The following CCDC40 variants were observed in gnomAD, a reference collection of about 807,000 sequenced individuals.
The protein encoded by CCDC40 is coiled-coil domain 40 molecular ruler complex subunit.
In CCDC40, 104 loss-of-function variants were observed where a neutral mutation model predicts 124.5. The ratio of observed to expected loss-of-function variants is 0.84; its 90% CI spans 0.71 to 0.98. The LOEUF (loss-of-function observed/expected upper bound fraction) is 0.98. Among genes scored for constraint, CCDC40 ranks in the 50% least tolerant of loss-of-function variants. The pLI is 0.00. For synonymous variants in CCDC40, 580 were observed against 602.9 expected (o/e 0.96, Z 0.56); for missense variants, 1,463 against 1,503.9 (o/e 0.97, Z 0.45).
intron 16 of CCDC40, among the ~76,000 whole-genome samples, chr17:80,088,748 A>G (rs574932217): frequency 2.0e-5 from 3 of 152,288 alleles, no homozygotes; most frequent in African/African-American, 7.2e-5. Context: ...TCAAGGCTGC[A>G]GTGAGCTAGG....
chr17:80,079,333 G>A (rs1258409283), intron 10 of CCDC40, among the ~76,000 whole-genome samples: 1 of 151,802 alleles, frequency 6.6e-6, no homozygotes, highest in Admixed American at 6.6e-5. Flanking sequence ...GATAGATTTC[G>A]TTCATACATA....
At position 80,099,522 on chromosome 17, in the gene CCDC40, C is replaced by T. The variant is rs1354174624; in HGVS notation, c.3181-5C>T. 6.2e-7 allele frequency: 1 copy of T among 1,606,512 alleles called. No homozygotes were observed. Among genetic ancestry groups the T allele is most frequent in the Admixed American group, 1.7e-5 (1 of 60,018 alleles). Reference sequence around the variant, plus strand: ...GCCCTATATGGAGTCTCTTTTCCTACCCAGAACCTTTCAGAGATCGTGGCC... The same window carrying T: ...GCCCTATATGGAGTCTCTTTTCCTATCCAGAACCTTTCAGAGATCGTGGCC... On this transcript the variant is annotated splice_polypyrimidine_tract_variant and splice_region_variant and intron_variant, in intron 19 of 19. Coordinates refer to ENST00000397545, the MANE Select transcript of CCDC40 (RefSeq NM_017950.4).
rs60850594 is a variant in CCDC40 at position 80,081,387 on chromosome 17, AAAATAAAT to A, written c.1563-140_1563-133del. 7 of 350,896 alleles carry A rather than the reference AAAATAAAT, an allele frequency of 2.0e-5. 1 individual carries two copies. Among genetic ancestry groups the A allele is most frequent in the Admixed American group, 8.6e-5 (2 of 23,370 alleles). 21.7% of individuals were successfully genotyped at this position (350,896 alleles called of 1,614,324 possible). A position where few individuals can be genotyped will look rare whatever the true frequency, so the allele number is the denominator to read the frequency against. On this transcript the variant is annotated intron_variant, in intron 10 of 19. Transcript: ENST00000397545. Reference sequence around the variant, plus strand: ...GTTACAGAGTGAGACTCTGTCTCAAAAAATAAATAAATAAATAAATAAATAAGAGTTGG... The same window carrying A: ...GTTACAGAGTGAGACTCTGTCTCAAAAAATAAATAAATAAATAAGAGTTGG...
chr17:80,061,473 G>A (rs1223136693), intron 9 of CCDC40, among the ~76,000 whole-genome samples: 1 of 152,266 alleles, frequency 6.6e-6, no homozygotes, highest in Non-Finnish European at 1.5e-5. Flanking sequence ...GCAGCCATTA[G>A]TAAATCCGGG....
chr17:80,097,489 C>T (rs757509427), intron 19 of CCDC40, 86 bp downstream of exon 19: 102 of 1,433,508 alleles, frequency 7.1e-5, no homozygotes, highest in Non-Finnish European at 9.1e-5. Context: ...CTGTGCGAGT[C>T]ACGGCCTCTC....
chr17:80,041,228 T>C (rs1046541233), intron 3 of CCDC40, among the ~76,000 whole-genome samples: 2 of 151,872 alleles, frequency 1.3e-5, no homozygotes, highest in African/African-American at 4.8e-5. Flanking sequence ...AGAAATTGGG[T>C]CGGGCATGGT....
At chr17:80,090,068 C>T in intron 17 of CCDC40, 184 bp downstream of exon 17, 1 of 1,536,768 alleles carries the variant, frequency 6.5e-7, no homozygotes, top group Non-Finnish European at 8.7e-7. Context: ...ACCTGCACTC[C>T]AGCCGAGCAC....
chr17:80,046,532 C>CAATAATAATAATAATAATAAT lies in CCDC40; in HGVS notation c.553-741_553-721dup, dbSNP rs60431250. Among the ~76,000 whole-genome samples the CAATAATAATAATAATAATAAT allele has an allele frequency of 5.2e-3, 759 of 147,368 alleles. 6 individuals carry two copies. The highest frequency in any genetic ancestry group is 0.016 in the African/African-American group (634 of 39,452). ...TAGGTGGCAGAGTGAGACCCTTACTCAATAATAATAATAATAATAATAATA... is the reference window on the plus strand; with the variant it reads ...TAGGTGGCAGAGTGAGACCCTTACTCAATAATAATAATAATAATAATAATAATAATAATAATAATAATAATA... On this transcript the variant is annotated intron_variant, in intron 3 of 19. Coordinates refer to ENST00000397545, the MANE Select transcript of CCDC40 (RefSeq NM_017950.4).
At chr17:80,095,596 G>A (rs2038797121) in intron 18 of CCDC40, 145 bp downstream of exon 18, 1 of 756,026 alleles carries the variant, frequency 1.3e-6, no homozygotes, top group South Asian at 1.7e-5. Context: ...CTGCTGCTGG[G>A]TGCTGGGTCT....
At position 80,086,753 on chromosome 17, in the gene CCDC40, C is replaced by G. The variant is rs1386699424; in HGVS notation, c.2449+537C>G. ...CCTGCCGAGACATCCCGGGTCCTGC[C>G]CGGTCTTGGGTCGGGGATCCATGCT... On this transcript the variant is annotated intron_variant, in intron 14 of 19. Transcript: ENST00000397545. The surrounding 1 kb of genome is among the most constrained non-coding windows in gnomAD (Gnocchi z 5.5). 2 of 180,614 alleles carry G rather than the reference C, an allele frequency of 1.1e-5. No homozygotes were observed. Among genetic ancestry groups the G allele is most frequent in the African/African-American group, 4.8e-5 (2 of 41,798 alleles). 11.2% of individuals were successfully genotyped at this position (180,614 alleles called of 1,614,324 possible).
chr17:80,073,355 C>T (rs1396141335), intron 10 of CCDC40, among the ~76,000 whole-genome samples: 3 of 152,308 alleles, frequency 2.0e-5, no homozygotes, highest in South Asian at 4.1e-4. Context: ...ATCTCTCCAG[C>T]GGTGCGTGCT....
intron 10 of CCDC40, among the ~76,000 whole-genome samples, chr17:80,075,948 C>T (rs1030007884): frequency 6.6e-6 from 1 of 152,150 alleles, no homozygotes; most frequent in African/African-American, 2.4e-5. Flanking sequence ...AGAAGTGGAG[C>T]TGAGATGGGA....
At chr17:80,055,867 C>T (rs2037721297) in intron 7 of CCDC40, among the ~76,000 whole-genome samples, 1 of 149,856 alleles carries the variant, frequency 6.7e-6, no homozygotes, top group African/African-American at 2.5e-5. Flanking sequence ...CTCTGTTTCC[C>T]AGGCTGGAAT....
Position 80,058,468 on chromosome 17 carries a change from T to A in CCDC40, c.1160-26T>A, listed in dbSNP as rs1169254859. 6.2e-6 allele frequency: 10 copies of A among 1,611,490 alleles called. No individual in the cohort carries two copies. In the Admixed American group the frequency reaches 8.3e-5, roughly 13 times the overall value. ...ACAGCCTCCCCACTCACTCTCTCTCTCTTTCTCCCCCGCCGCGCCCCGCAG... is the reference window on the plus strand; with the variant it reads ...ACAGCCTCCCCACTCACTCTCTCTCACTTTCTCCCCCGCCGCGCCCCGCAG... On this transcript the variant is annotated intron_variant, in intron 7 of 19. Transcript: ENST00000397545. The surrounding 1 kb of genome is among the most constrained non-coding windows in gnomAD (Gnocchi z 4.2).
Position 80,081,599 on chromosome 17 carries a change from A to C in CCDC40, c.1616A>C (p.Lys539Thr), listed in dbSNP as rs774956477. ...STDGEIEAYK[K>T]SIMKEEEKNE... ...GACGGCGAGATTGAGGCCTATAAGA[A>C]ATCCATCATGAAGGAGGAAGAAAAG... is the stretch of plus-strand genomic sequence containing the variant. The change falls in exon 11 of 20, where the codon AAA becomes ACA. Residue 539 changes from lysine to threonine, a missense_variant. Transcript: ENST00000397545. 3.1e-6 allele frequency: 5 copies of C among 1,613,932 alleles called. No homozygotes were observed. Among genetic ancestry groups the C allele is most frequent in the South Asian group, 2.2e-5 (2 of 91,090 alleles).
chr17:80,076,719 T>C (rs573503189), intron 10 of CCDC40, among the ~76,000 whole-genome samples: 1 of 152,014 alleles, frequency 6.6e-6, no homozygotes, highest in Non-Finnish European at 1.5e-5. Context: ...CTTAGGTGAT[T>C]GTTAGCATTT....
intron 4 of CCDC40, among the ~76,000 whole-genome samples, chr17:80,048,207 C>T (rs1045963777): frequency 2.0e-5 from 3 of 152,166 alleles, no homozygotes; most frequent in Admixed American, 1.3e-4. Context: ...TTGCAGTGAG[C>T]CGAGATCACG....
intron 4 of CCDC40, chr17:80,048,320 A>G (rs1323015594): frequency 1.9e-6 from 1 of 516,966 alleles, no homozygotes; most frequent in Non-Finnish European, 3.5e-6. Context: ...TTCACTCTTT[A>G]TGTGTAAAGA....
intron 19 of CCDC40, chr17:80,097,699 G>T: frequency 2.4e-6 from 1 of 424,472 alleles, no homozygotes; most frequent in East Asian, 4.7e-5. Context: ...GTTACCTCCT[G>T]GGGCAGGAGG....
Sources: gnomAD v4.1 joint callset for allele counts (sites outside exome capture counted in the v4.1 genomes callset) on GRCh38, gnomAD v4.1.1 for gene constraint, Gnocchi (gnomAD v3.1) non-coding constraint, MANE v1.5 for transcripts, NCBI Gene and HGNC (gene_info 2026-07-23, HGNC 2026-07-21) for gene names.